The following BCL3 variants were observed in gnomAD, a reference collection of about 807,000 sequenced individuals.
BCL3 encodes BCL3 transcription coactivator, also known as B-cell lymphoma 3 protein.
Under a neutral mutation model 35.7 loss-of-function variants are expected in BCL3, and 15 were observed. That is an observed-to-expected ratio of 0.42 (90% confidence interval 0.28 to 0.65). The LOEUF (loss-of-function observed/expected upper bound fraction) is 0.65, where lower values mean the gene tolerates loss of function less well. Among genes scored for constraint, BCL3 ranks in the 30% least tolerant of loss-of-function variants. BCL3 has a pLI of 0.22. For missense variants in BCL3, 565 were observed against 641.7 expected, an observed-to-expected ratio of 0.88 and a Z score of 1.29; for synonymous variants, 311 against 284.3, an observed-to-expected ratio of 1.09 and a Z score of -0.95.
intron 1 of BCL3, among the ~76,000 whole-genome samples, chr19:44,749,639 A>T (rs1967139385): frequency 6.6e-6 from 1 of 151,980 alleles, no homozygotes; most frequent in Non-Finnish European, 1.5e-5. Flanking sequence ...AAGGAAATGA[A>T]CCAGAGCTCC....
chr19:44,757,282 C>T lies in BCL3; in HGVS notation c.725-45C>T, dbSNP rs200056289. The stretch of plus-strand genomic sequence containing the variant: ...AGCGGACCTGGAGTCCATCAGCGGC[C>T]GCAAAGCCCGGGCCTAGGTTTCACC... On this transcript the variant is annotated intron_variant, in intron 4 of 8. Transcript: ENST00000164227. This position sits in a 1 kb window ranked among gnomAD's most constrained non-coding sequence, Gnocchi z 8.4. 4.5e-6 allele frequency: 7 copies of T among 1,565,550 alleles called. No individual in the cohort carries two copies. In the East Asian group the frequency reaches 9.6e-5, roughly 21 times the overall value.
intron 3 of BCL3, 141 bp from the exon 4 acceptor site, chr19:44,756,876 T>C: frequency 1.2e-6 from 1 of 811,452 alleles, no homozygotes; most frequent in Non-Finnish European, 1.9e-6. Context: ...GCCCGGACTC[T>C]TGAATCTGAG....
Position 44,759,950 on chromosome 19 carries a change from A to C in BCL3, c.*335A>C. 1 of 305,714 alleles carries C rather than the reference A, an allele frequency of 3.3e-6. No individual in the cohort carries two copies. Among genetic ancestry groups the C allele is most frequent in the Non-Finnish European group, 6.0e-6 (1 of 166,910 alleles). 18.9% of individuals were successfully genotyped at this position (305,714 alleles called of 1,614,324 possible). On this transcript the variant is annotated 3_prime_UTR_variant, in exon 9 of 9. Coordinates refer to ENST00000164227, the MANE Select transcript of BCL3 (RefSeq NM_005178.5). ...TCCACTCTCTACCAGATAACTGAGG[A>C]GGGGAGAGGTGGGCCGTAACGGGCA...
Position 44,748,729 on chromosome 19 carries a change from C to A in BCL3, c.-62C>A, listed in dbSNP as rs1319304948. On this transcript the variant is annotated 5_prime_UTR_variant, in exon 1 of 9. Transcript: ENST00000164227. Reference sequence around the variant, plus strand: ...CTGCAGGGGAAGTCCCGGCGCCCGGCGAAACCACCCTCCCGTGCAGCCGAG... The same window carrying A: ...CTGCAGGGGAAGTCCCGGCGCCCGGAGAAACCACCCTCCCGTGCAGCCGAG... 9.4e-7 allele frequency: 1 copy of A among 1,068,710 alleles called. No homozygotes were observed. Among genetic ancestry groups the A allele is most frequent in the Non-Finnish European group, 1.1e-6 (1 of 884,298 alleles). 66.2% of individuals were successfully genotyped at this position (1,068,710 alleles called of 1,614,324 possible). A position where few individuals can be genotyped will look rare whatever the true frequency, so the allele number is the denominator to read the frequency against.
At chr19:44,754,569 C>T (rs147415072) in intron 2 of BCL3, among the ~76,000 whole-genome samples, 2,506 of 152,272 alleles carry the variant, frequency 0.016, 35 homozygotes, top group South Asian at 0.028. Context: ...CCGCCCCACC[C>T]CCTGCGGCCC....
chr19:44,757,558 A>C lies in BCL3; in HGVS notation c.814-88A>C. 1 of 1,546,654 alleles carries C rather than the reference A, an allele frequency of 6.5e-7. No individual in the cohort carries two copies. Among genetic ancestry groups the C allele is most frequent in the African/African-American group, 1.4e-5 (1 of 73,478 alleles). On this transcript the variant is annotated intron_variant, in intron 5 of 8. Coordinates refer to ENST00000164227, the MANE Select transcript of BCL3 (RefSeq NM_005178.5). This position sits in a 1 kb window ranked among gnomAD's most constrained non-coding sequence, Gnocchi z 8.4. ...GTATCAGACCCAAGAGAGAGGCTGG[A>C]CCCCGCGAATGGGATGTGGACGGGA... is the stretch of plus-strand genomic sequence containing the variant.
At chr19:44,753,469 C>G (rs2032003846) in intron 2 of BCL3, among the ~76,000 whole-genome samples, 2 of 152,206 alleles carry the variant, frequency 1.3e-5, no homozygotes, top group Non-Finnish European at 2.9e-5. Context: ...TCCCGCAGAA[C>G]TTGACCGCAA....
chr19:44,756,349 C>G lies in BCL3; in HGVS notation c.519+9C>G. 1.4e-6 allele frequency: 2 copies of G among 1,461,200 alleles called. No homozygotes were observed. Among genetic ancestry groups the G allele is most frequent in the Admixed American group, 2.2e-5 (1 of 45,224 alleles). 90.5% of individuals were successfully genotyped at this position (1,461,200 alleles called of 1,614,324 possible). ...ACAACAACCTACGGCAGGTGAGGCT[C>G]GGTCTGAGGGAGGAGGGCTGGGGCC... is the stretch of plus-strand genomic sequence containing the variant. On this transcript the variant is annotated intron_variant, in intron 3 of 8. Transcript: ENST00000164227.
Position 44,758,356 on chromosome 19 carries a change from C to T in BCL3, c.1002C>T (p.Asp334=). The change falls in exon 7 of 9, where the codon GAC becomes GAT. Residue 334 remains aspartate (D), a synonymous_variant. Coordinates refer to ENST00000164227, the MANE Select transcript of BCL3 (RefSeq NM_005178.5). ...LVRTLVRSGA[D]SSLKNCHNDT... ...GCACGCTGGTCCGCAGCGGCGCTGA[C>T]AGCAGCCTCAAGAACTGCCACAACG... is the stretch of plus-strand genomic sequence containing the variant. 3.2e-6 allele frequency: 5 copies of T among 1,553,656 alleles called. No homozygotes were observed. The highest frequency in any genetic ancestry group is 4.3e-6 in the Non-Finnish European group (5 of 1,153,362).
Position 44,759,711 on chromosome 19 carries a change from C to G in BCL3, c.*96C>G, listed in dbSNP as rs992828614. ...AAACTGTGAAGATCTCACTCTGCCC[C>G]CCCCCCCCATCTTCGGGACCAGGAT... On this transcript the variant is annotated 3_prime_UTR_variant, in exon 9 of 9. Coordinates refer to ENST00000164227, the MANE Select transcript of BCL3 (RefSeq NM_005178.5). The G allele has an allele frequency of 3.3e-5, 18 of 543,540 alleles. No individual in the cohort carries two copies. The highest frequency in any genetic ancestry group is 8.3e-5 in the Admixed American group (2 of 24,026). 33.7% of individuals were successfully genotyped at this position (543,540 alleles called of 1,614,324 possible).
chr19:44,754,001 A>G (rs2122290525), intron 2 of BCL3, among the ~76,000 whole-genome samples: 1 of 152,246 alleles, frequency 6.6e-6, no homozygotes, highest in East Asian at 1.9e-4. Context: ...AAAACTTAAG[A>G]ATTTCACGAC....
At chr19:44,754,893 C>G (rs1220258214) in intron 2 of BCL3, among the ~76,000 whole-genome samples, 2 of 152,262 alleles carry the variant, frequency 1.3e-5, no homozygotes, top group Admixed American at 6.5e-5. Context: ...CGCGGCTACG[C>G]TAGGAGGGGT....
chr19:44,749,254 TG>T (rs1967129567), intron 1 of BCL3, among the ~76,000 whole-genome samples: 1 of 88,992 alleles, frequency 1.1e-5, no homozygotes, highest in African/African-American at 3.8e-5. Flanking sequence ...TTGGGGACCC[TG>T]GGGGGCAAAG....
chr19:44,758,145 G>A, intron 6 of BCL3, 101 bp from the exon 7 acceptor site: 3 of 1,245,374 alleles, frequency 2.4e-6, no homozygotes, highest in Non-Finnish European at 3.2e-6. Context: ...CCCCGATCCG[G>A]TGCCGCCCCA....
Position 44,757,150 on chromosome 19 carries a change from C to G in BCL3, c.653C>G (p.Pro218Arg), listed in dbSNP as rs957362834. 6 of 1,589,496 alleles carry G rather than the reference C, an allele frequency of 3.8e-6. No individual in the cohort carries two copies. The highest frequency in any genetic ancestry group is 3.5e-5 in the Admixed American group (2 of 56,730). Reference protein sequence around the residue: ...AAHLACEHRSPTCLRALLDSA... With the variant: ...AAHLACEHRSRTCLRALLDSA... The stretch of plus-strand genomic sequence containing the variant: ...CACCTGGCGTGCGAGCACCGCAGCC[C>G]GACCTGCCTGCGAGCCCTGCTGGAC... Residue 218 changes from proline (P) to arginine (R), a missense_variant, in exon 4 of 9, where the codon CCG (proline) becomes CGG (arginine). Around this residue, in one of 5 missense-constraint regions of BCL3, gnomAD observed 103 missense variants for 106.7 expected, o/e 0.97. Transcript: ENST00000164227. This position sits in a 1 kb window ranked among gnomAD's most constrained non-coding sequence, Gnocchi z 8.4.
rs1029243731 is a variant in BCL3 at position 44,757,526 on chromosome 19, G to T, written c.813+111G>T. On this transcript the variant is annotated intron_variant, in intron 5 of 8. Coordinates refer to ENST00000164227, the MANE Select transcript of BCL3 (RefSeq NM_005178.5). The surrounding 1 kb of genome is among the most constrained non-coding windows in gnomAD (Gnocchi z 8.4). Reference sequence around the variant, plus strand: ...TGGGAGAGCACCCGGGTGGGGTGGGGCTTGGAGTATCAGACCCAAGAGAGA... The same window carrying T: ...TGGGAGAGCACCCGGGTGGGGTGGGTCTTGGAGTATCAGACCCAAGAGAGA... 6.7e-7 allele frequency: 1 copy of T among 1,503,454 alleles called. No homozygotes were observed. Among genetic ancestry groups the T allele is most frequent in the African/African-American group, 1.4e-5 (1 of 72,640 alleles). The allele number at this position is 1,503,454 out of a possible 1,614,324, so 93.1% of individuals were successfully genotyped here. A position where few individuals can be genotyped will look rare whatever the true frequency, so the allele number is the denominator to read the frequency against.
chr19:44,749,817 A>G (rs1967143137), intron 1 of BCL3, among the ~76,000 whole-genome samples: 1 of 152,138 alleles, frequency 6.6e-6, no homozygotes, highest in Non-Finnish European at 1.5e-5. Flanking sequence ...TAATTCTGAG[A>G]CTTTGGGTAA....
At position 44,754,656 on chromosome 19, in the gene BCL3, G is replaced by A. The variant is rs1342831724; in HGVS notation, c.411-1576G>A. 3.3e-5 allele frequency among the ~76,000 whole-genome samples: 5 copies of A among 152,266 alleles called. No homozygotes were observed. In the South Asian group the frequency reaches 1.0e-3, roughly 32 times the overall value. ...CGTCTGCCCTCACTTAACCCTGGCCGCCCCGAGAGGGACCCAGGCCAGGCG... is the reference window on the plus strand; with the variant it reads ...CGTCTGCCCTCACTTAACCCTGGCCACCCCGAGAGGGACCCAGGCCAGGCG... On this transcript the variant is annotated intron_variant, in intron 2 of 8. Coordinates refer to ENST00000164227, the MANE Select transcript of BCL3 (RefSeq NM_005178.5).
At chr19:44,747,991 A>G, upstream of BCL3, 1 of 1,303,526 alleles carries the variant, frequency 7.7e-7, no homozygotes, top group South Asian at 1.3e-5. Context: ...GGAGTGGCAG[A>G]GATGGAAGAG....
Sources: allele counts gnomAD v4.1 joint callset (sites outside exome capture counted in the v4.1 genomes callset), GRCh38; gene constraint gnomAD v4.1.1; regional missense constraint gnomAD v4.1.1; non-coding constraint Gnocchi (gnomAD v3.1); transcripts MANE v1.5; gene names NCBI Gene and HGNC (gene_info 2026-07-23, HGNC 2026-07-21).